The following B3GALT1 variants were observed in gnomAD, a reference collection of about 807,000 sequenced individuals.
B3GALT1 encodes beta-1,3-galactosyltransferase 1, also known as UDP-Gal:betaGlcNAc beta 1,3-galactosyltransferase, polypeptide 1.
In B3GALT1, 10 loss-of-function variants were observed where a neutral mutation model predicts 23.2. That is an observed-to-expected ratio of 0.43 (90% CI 0.27 to 0.73). B3GALT1 has a LOEUF of 0.73. Among genes scored for constraint, B3GALT1 ranks in the 30% least tolerant of loss-of-function variants. The probability of loss-of-function intolerance (pLI) is 0.21; values close to 1 mark genes in which losing one functional copy is unlikely to be tolerated. For missense variants in B3GALT1, 299 were observed against 405.4 expected (o/e 0.74, Z 2.25); for synonymous variants, 156 against 141.5 (o/e 1.10, Z -0.73).
At chr2:167,367,577 G>A (rs1464490485) in intron 1 of B3GALT1, among the ~76,000 whole-genome samples, 1 of 152,148 alleles carries the variant, frequency 6.6e-6, no homozygotes, top group African/African-American at 2.4e-5. Flanking sequence ...TCTGTTATGT[G>A]TTCGGCTCTG....
At chr2:167,825,568 C>G (rs1010080338) in intron 4 of B3GALT1, among the ~76,000 whole-genome samples, 12 of 151,480 alleles carry the variant, frequency 7.9e-5, no homozygotes, top group African/African-American at 2.9e-4. Flanking sequence ...TCCACGTTGT[C>G]AGACTCAGAG....
At chr2:167,415,659 A>T (rs1698457628) in intron 1 of B3GALT1, among the ~76,000 whole-genome samples, 1 of 152,196 alleles carries the variant, frequency 6.6e-6, no homozygotes, top group African/African-American at 2.4e-5. Context: ...GTAACTCCTT[A>T]GAGATTGGTT....
intron 3 of B3GALT1, among the ~76,000 whole-genome samples, chr2:167,813,490 C>T (rs968432458): frequency 6.6e-6 from 1 of 152,174 alleles, no homozygotes; most frequent in African/African-American, 2.4e-5. Flanking sequence ...TATTTAAAAT[C>T]AGGACAACTT....
chr2:167,809,798 C>G (rs1474246908), intron 3 of B3GALT1, among the ~76,000 whole-genome samples: 3 of 152,164 alleles, frequency 2.0e-5, no homozygotes, highest in Non-Finnish European at 4.4e-5. Context: ...AGAACCACTA[C>G]TCTCTTCAAG....
intron 1 of B3GALT1, among the ~76,000 whole-genome samples, chr2:167,364,029 C>T (rs765187213): frequency 4.6e-5 from 7 of 151,696 alleles, no homozygotes; most frequent in African/African-American, 4.8e-5. Flanking sequence ...CCAGGCATGG[C>T]GGCTGGCACC....
At chr2:167,505,586 G>T (rs928969820) in intron 2 of B3GALT1, among the ~76,000 whole-genome samples, 2 of 152,166 alleles carry the variant, frequency 1.3e-5, no homozygotes, top group African/African-American at 2.4e-5. Context: ...AGCTTATGCA[G>T]TTGATCATGA....
intron 2 of B3GALT1, among the ~76,000 whole-genome samples, chr2:167,517,145 AC>A (rs1489583215): frequency 6.6e-6 from 1 of 151,956 alleles, no homozygotes; most frequent in East Asian, 1.9e-4. Flanking sequence ...TGAAATAGAG[AC>A]AAGCAGACTC....
chr2:167,760,560 A>G (rs1223883509), intron 3 of B3GALT1, among the ~76,000 whole-genome samples: 1 of 152,248 alleles, frequency 6.6e-6, no homozygotes, highest in East Asian at 1.9e-4. Flanking sequence ...GCTAAAAATC[A>G]GGCCCAACAA....
At chr2:167,325,919 T>C (rs986400904) in intron 1 of B3GALT1, among the ~76,000 whole-genome samples, 2 of 151,892 alleles carry the variant, frequency 1.3e-5, no homozygotes, top group African/African-American at 4.8e-5. Flanking sequence ...GCTTTCACCA[T>C]GTTGGCTAGG....
At chr2:167,698,134 T>C (rs2105507205) in intron 3 of B3GALT1, among the ~76,000 whole-genome samples, 1 of 152,300 alleles carries the variant, frequency 6.6e-6, no homozygotes, top group South Asian at 2.1e-4. Flanking sequence ...TGTAGGGAGT[T>C]AACATCACTT....
chr2:167,556,287 C>T (rs980298929), intron 2 of B3GALT1, among the ~76,000 whole-genome samples: 4 of 152,026 alleles, frequency 2.6e-5, no homozygotes, highest in African/African-American at 2.4e-5. Context: ...TAAAACTGAG[C>T]GCAAATGAGG....
At chr2:167,484,872 T>C (rs1450872737) in intron 1 of B3GALT1, among the ~76,000 whole-genome samples, 2 of 152,296 alleles carry the variant, frequency 1.3e-5, no homozygotes, top group East Asian at 3.9e-4. Context: ...GTCCAAGAAA[T>C]ATATTTCAGG....
chr2:167,338,477 G>GA (rs760338051), intron 1 of B3GALT1, among the ~76,000 whole-genome samples: 4 of 40,138 alleles, frequency 1.0e-4, no homozygotes, highest in Non-Finnish European at 7.0e-4. Flanking sequence ...TAGATGACTG[G>GA]AATTAGACAT....
intron 1 of B3GALT1, among the ~76,000 whole-genome samples, chr2:167,460,834 G>T (rs1174842960): frequency 1.3e-5 from 2 of 152,188 alleles, no homozygotes; most frequent in African/African-American, 4.8e-5. Context: ...GTACTAAACT[G>T]AAGTGTAAAC....
At chr2:167,384,606 C>CA (rs1256015475) in intron 1 of B3GALT1, among the ~76,000 whole-genome samples, 2 of 152,252 alleles carry the variant, frequency 1.3e-5, no homozygotes, top group Non-Finnish European at 2.9e-5. Context: ...CTCATGCTGT[C>CA]AGTCACTGGG....
chr2:167,561,619 G>A (rs1490708937), intron 2 of B3GALT1, among the ~76,000 whole-genome samples: 3 of 151,898 alleles, frequency 2.0e-5, no homozygotes, highest in African/African-American at 7.3e-5. Context: ...AATGATAAAG[G>A]GGATATCACC....
intron 1 of B3GALT1, among the ~76,000 whole-genome samples, chr2:167,475,328 CTG>C (rs1699472384): frequency 6.6e-6 from 1 of 152,144 alleles, no homozygotes; most frequent in African/African-American, 2.4e-5. Context: ...CAAGGTATCA[CTG>C]TGCTTGTGTT....
chr2:167,446,804 C>T (rs1194927864), intron 1 of B3GALT1, among the ~76,000 whole-genome samples: 2 of 152,078 alleles, frequency 1.3e-5, no homozygotes, highest in Admixed American at 1.3e-4. Flanking sequence ...GCGTTGGGTT[C>T]GAACATCCTC....
At chr2:167,711,264 G>A (rs1380783322) in intron 3 of B3GALT1, among the ~76,000 whole-genome samples, 1 of 152,010 alleles carries the variant, frequency 6.6e-6, no homozygotes, top group Non-Finnish European at 1.5e-5. Flanking sequence ...ACCTCTAGTC[G>A]CACTCCATCA....
Sources: allele counts gnomAD v4.1 joint callset (sites outside exome capture counted in the v4.1 genomes callset), GRCh38; gene constraint gnomAD v4.1.1; transcripts MANE v1.5; gene names NCBI Gene and HGNC (gene_info 2026-07-23, HGNC 2026-07-21).